Variants in CGNL1 observed in about 807,000 individuals in gnomAD.
CGNL1 encodes cingulin-like protein 1.
In CGNL1, 132 loss-of-function variants were observed where a neutral mutation model predicts 141.2. That is an observed-to-expected ratio of 0.93 (90% CI 0.81 to 1.08). The LOEUF is 1.08. Ranked by LOEUF, CGNL1 falls within the 50% of genes least tolerant of loss-of-function variation. The probability of loss-of-function intolerance (pLI) is 0.00; values close to 1 mark genes in which losing one functional copy is unlikely to be tolerated. For missense variants in CGNL1, 1,870 were observed against 1,588.6 expected (o/e 1.18, Z -3.01); for synonymous variants, 690 against 622.1 (o/e 1.11, Z -1.63).
intron 12 of CGNL1, among the ~76,000 whole-genome samples, chr15:57,524,986 G>C (rs1471334664): frequency 1.3e-5 from 2 of 152,162 alleles, no homozygotes; most frequent in Admixed American, 1.3e-4. Flanking sequence ...TTTTCTTGAT[G>C]AATCTATAAT....
intron 1 of CGNL1, among the ~76,000 whole-genome samples, chr15:57,395,867 AT>A (rs34041469): frequency 0.37 from 56,601 of 151,992 alleles, 10,852 homozygotes; most frequent in East Asian, 0.6. Flanking sequence ...GTTAAAAAAC[AT>A]TTTTTTTAAT....
At chr15:57,443,377 C>T (rs1166815781) in intron 4 of CGNL1, among the ~76,000 whole-genome samples, 3 of 152,184 alleles carry the variant, frequency 2.0e-5, no homozygotes, top group Non-Finnish European at 2.9e-5. Flanking sequence ...AATCTTCCAC[C>T]GCCTTGTGTG....
rs2063330080 is a variant in CGNL1, at chr15:57,452,189, G to C, written c.1954G>C (p.Glu652Gln). Residue 652 changes from glutamate (E) to glutamine (Q), a missense_variant, in exon 6 of 19, where the codon GAA (glutamate) becomes CAA (glutamine). Glu to Gln is a conservative substitution (Grantham distance 29, BLOSUM62 2). Coordinates refer to ENST00000281282, the MANE Select transcript of CGNL1 (RefSeq NM_032866.5). ...GAGAGAGAGGATGAGAGCAAACCTA[G>C]AAGAGCTCCGAAGCCAACACAACGA... ...EERERMRANL[E>Q]ELRSQHNEKV... 3 of 1,613,840 alleles carry C rather than the reference G, an allele frequency of 1.9e-6. No homozygotes were observed. The highest frequency in any genetic ancestry group is 2.5e-6 in the Non-Finnish European group (3 of 1,179,948).
intron 14 of CGNL1, among the ~76,000 whole-genome samples, chr15:57,532,921 T>A (rs1214494303): frequency 1.3e-5 from 2 of 152,186 alleles, no homozygotes; most frequent in African/African-American, 4.8e-5. Flanking sequence ...TCTTCCCTAT[T>A]CCAAAGGGCA....
rs1389705451 is a variant in CGNL1, at chr15:57,475,915, G to C, written c.2403+14023G>C. Among the ~76,000 whole-genome samples the C allele has an allele frequency of 2.6e-5, 4 of 152,062 alleles. No individual in the cohort carries two copies. In the East Asian group the frequency reaches 5.8e-4, roughly 22 times the overall value. ...TCAGGTCAGATGACATCTCCTTCTT[G>C]GGTCCACCCAGCAGCTGCTGTTCTT... On this transcript the variant is annotated intron_variant, in intron 8 of 18. Transcript: ENST00000281282.
At chr15:57,388,665 C>T (rs2062509927) in intron 1 of CGNL1, among the ~76,000 whole-genome samples, 1 of 152,224 alleles carries the variant, frequency 6.6e-6, no homozygotes. Context: ...CAGCCTTGTG[C>T]AGTCCATGGG....
rs2063151496 is a variant in CGNL1, at chr15:57,439,269, G to T, written c.1270G>T (p.Val424Leu). The T allele has an allele frequency of 6.2e-7, 1 of 1,614,036 alleles. No homozygotes were observed. The highest frequency in any genetic ancestry group is 2.2e-5 in the East Asian group (1 of 44,872). The part of the protein sequence containing the change: ...SSEHLLRPSQ[V>L]CPQRPLSQER... Reference sequence around the variant, plus strand: ...CGAACACCTCCTCCGGCCTTCCCAGGTGTGCCCGCAGCGGCCACTGTCTCA... The same window carrying T: ...CGAACACCTCCTCCGGCCTTCCCAGTTGTGCCCGCAGCGGCCACTGTCTCA... The change falls in exon 2 of 19, where the codon GTG (valine) becomes TTG (leucine). Residue 424 changes from valine (V) to leucine (L), a missense_variant. Transcript: ENST00000281282.
intron 7 of CGNL1, among the ~76,000 whole-genome samples, chr15:57,458,031 G>C (rs1337860014): frequency 6.6e-6 from 1 of 152,134 alleles, no homozygotes; most frequent in Non-Finnish European, 1.5e-5. Flanking sequence ...TGTGGTCTTA[G>C]GCATGTTAGA....
In CGNL1 at chr15:57,528,690, A is replaced by G. The variant is rs1239433962; in HGVS notation, c.3076A>G (p.Arg1026Gly). ...GGAGGAAGAGTTACGGGACTACCAG[A>G]GAGCTCAGGATGAAGCACTCACAAA... ...LMEEELRDYQRAQDEALTKRQ... is the reference protein window; with the variant it reads ...LMEEELRDYQGAQDEALTKRQ... The change falls in exon 13 of 19, where the codon AGA (arginine) becomes GGA (glycine). Residue 1026 changes from arginine to glycine, a missense_variant. Physicochemically the swap from Arg to Gly is moderately radical, Grantham distance 125 (BLOSUM62 -2). Coordinates refer to ENST00000281282, the MANE Select transcript of CGNL1 (RefSeq NM_032866.5). 1 of 1,614,160 alleles carries G rather than the reference A, an allele frequency of 6.2e-7. No individual in the cohort carries two copies. The highest frequency in any genetic ancestry group is 8.5e-7 in the Non-Finnish European group (1 of 1,180,014).
chr15:57,491,090 A>C lies in CGNL1; in HGVS notation c.2404-25690A>C, dbSNP rs371421837. On this transcript the variant is annotated intron_variant, in intron 8 of 18. Transcript: ENST00000281282. ...GGATCAAGAGTCAGAAAAGGATGTT[A>C]GGTAAAAACTAAGGAAAGCTGAATA... Among the ~76,000 whole-genome samples the C allele has an allele frequency of 3.3e-5, 5 of 152,298 alleles. No homozygotes were observed. The East Asian group carries it at 7.7e-4, about 24-fold the overall frequency.
rs187280770 is a variant in CGNL1 at position 57,464,645 on chromosome 15, T to G, written c.2403+2753T>G. 6.0e-4 allele frequency among the ~76,000 whole-genome samples: 91 copies of G among 151,804 alleles called. 1 individual carries two copies. The highest frequency in any genetic ancestry group is 2.1e-3 in the African/African-American group (87 of 41,318). On this transcript the variant is annotated intron_variant, in intron 8 of 18. Coordinates refer to ENST00000281282, the MANE Select transcript of CGNL1 (RefSeq NM_032866.5). ...TATTATTCTTTGAATTTCTGTGCCT[T>G]GCTTTTGAATTTCTCTGCGGTTTCT...
chr15:57,435,200 T>C (rs1213245587), intron 1 of CGNL1, among the ~76,000 whole-genome samples: 3 of 152,146 alleles, frequency 2.0e-5, no homozygotes, highest in African/African-American at 7.2e-5. Context: ...GACCATAGTA[T>C]ATAATTTTTT....
chr15:57,452,104 A>G (rs371311260), intron 5 of CGNL1, 37 bp from the exon 6 acceptor site: 21 of 1,589,884 alleles, frequency 1.3e-5, no homozygotes, highest in Non-Finnish European at 1.8e-5. Flanking sequence ...GTTAATGTAC[A>G]GTGGAGGCTC....
At chr15:57,450,492 G>A (rs1428346112) in intron 4 of CGNL1, among the ~76,000 whole-genome samples, 1 of 152,212 alleles carries the variant, frequency 6.6e-6, no homozygotes, top group Non-Finnish European at 1.5e-5. Flanking sequence ...GGCCAGGCTG[G>A]TCTCAGACTC....
At chr15:57,425,636 G>C (rs1271572373) in intron 1 of CGNL1, among the ~76,000 whole-genome samples, 1 of 151,850 alleles carries the variant, frequency 6.6e-6, no homozygotes, top group Non-Finnish European at 1.5e-5. Flanking sequence ...AGCTACTTGG[G>C]AGGCTGAGGT....
chr15:57,499,110 G>A (rs1299709136), intron 8 of CGNL1, among the ~76,000 whole-genome samples: 4 of 152,146 alleles, frequency 2.6e-5, no homozygotes, highest in Non-Finnish European at 5.9e-5. Context: ...GGGTAGACCA[G>A]CTTGGAGGGT....
At chr15:57,479,316 G>A (rs2063695828) in intron 8 of CGNL1, among the ~76,000 whole-genome samples, 1 of 152,188 alleles carries the variant, frequency 6.6e-6, no homozygotes, top group East Asian at 1.9e-4. Flanking sequence ...GGAGCTAGAG[G>A]GAAGAGGCCT....
chr15:57,453,782 G>A lies in CGNL1; in HGVS notation c.2154G>A (p.Lys718=), dbSNP rs1392663604. 1.2e-6 allele frequency: 2 copies of A among 1,613,788 alleles called. No individual in the cohort carries two copies. The highest frequency in any genetic ancestry group is 2.7e-5 in the African/African-American group (2 of 74,902). ...TGCACGATGAACTGGACAGTGCAAA[G>A]CGATCGGAGGACAGGGAGAAGGGAG... The part of the protein sequence containing the change: ...SEMHDELDSA[K]RSEDREKGAL... The change falls in exon 7 of 19, where the codon AAG becomes AAA. Residue 718 remains lysine, a synonymous_variant. Coordinates refer to ENST00000281282, the MANE Select transcript of CGNL1 (RefSeq NM_032866.5).
At chr15:57,434,981 A>C (rs550923686) in intron 1 of CGNL1, among the ~76,000 whole-genome samples, 2 of 152,132 alleles carry the variant, frequency 1.3e-5, no homozygotes, top group Non-Finnish European at 2.9e-5. Context: ...TGAGACCCTA[A>C]TATAGGGTAG....
Sources: allele counts gnomAD v4.1 joint callset (sites outside exome capture counted in the v4.1 genomes callset), GRCh38; gene constraint gnomAD v4.1.1; transcripts MANE v1.5; gene names NCBI Gene and HGNC (gene_info 2026-07-23, HGNC 2026-07-21).